The following ZNF141 variants were observed in gnomAD, a reference collection of about 807,000 sequenced individuals.
The protein encoded by ZNF141 is zinc finger protein 141.
Under a neutral mutation model 11.3 loss-of-function variants are expected in ZNF141, and 7 were observed. That is an observed-to-expected ratio of 0.62 (90% CI 0.35 to 1.16). The LOEUF is 1.16. ZNF141 is among the 50% of genes most tolerant of loss of function. The pLI is 0.02. For missense variants in ZNF141, 535 were observed against 554.0 expected, an observed-to-expected ratio of 0.97 and a Z score of 0.34; for synonymous variants, 183 against 190.7, an observed-to-expected ratio of 0.96 and a Z score of 0.33.
At chr4:367,928 A>G (rs1711829003) in intron 3 of ZNF141, among the ~76,000 whole-genome samples, 2 of 152,306 alleles carry the variant, frequency 1.3e-5, no homozygotes, top group South Asian at 2.1e-4. Flanking sequence ...AATACTTTTA[A>G]GTATTTACCT....
At chr4:345,870 T>C (rs1721298743) in intron 3 of ZNF141, among the ~76,000 whole-genome samples, 1 of 152,156 alleles carries the variant, frequency 6.6e-6, no homozygotes, top group Non-Finnish European at 1.5e-5. Flanking sequence ...ATTTCTTAAA[T>C]GCACTGTATC....
intron 3 of ZNF141, among the ~76,000 whole-genome samples, chr4:349,403 C>G (rs116803324): frequency 4.6e-5 from 7 of 152,192 alleles, no homozygotes; most frequent in Non-Finnish European, 8.8e-5. Flanking sequence ...ATATTATCCA[C>G]AAACAGTAAC....
intron 1 of ZNF141, among the ~76,000 whole-genome samples, chr4:340,572 A>G (rs192065291): frequency 5.3e-5 from 8 of 152,278 alleles, no homozygotes; most frequent in Non-Finnish European, 8.8e-5. Context: ...CAGCCCTCCA[A>G]GTCTTAAATG....
intron 1 of ZNF141, 125 bp from the exon 2 acceptor site, chr4:343,657 G>A (rs1185051895): frequency 1.2e-5 from 13 of 1,130,170 alleles, no homozygotes; most frequent in South Asian, 3.9e-5. Flanking sequence ...CCTGGGAGGC[G>A]GAGCTTGCAG....
At chr4:347,152 C>T (rs149960792) in intron 3 of ZNF141, among the ~76,000 whole-genome samples, 1,868 of 151,330 alleles carry the variant, frequency 0.012, 13 homozygotes, top group Middle Eastern at 0.041. Context: ...ATTCTCCTGC[C>T]TCAGCCTCCG....
chr4:384,181 A>G lies in ZNF141; in HGVS notation c.*10319A>G, dbSNP rs1264385382. On this transcript the variant is annotated 3_prime_UTR_variant, in exon 4 of 4. Coordinates refer to ENST00000240499, the MANE Select transcript of ZNF141 (RefSeq NM_003441.4). ...TCCAGCCTGGCAATTAGGTCCAAAG[A>G]TAAATAGCAAAACAAGAAGTTTGCC... 3.9e-5 allele frequency: 6 copies of G among 152,230 alleles called. No individual in the cohort carries two copies. Among genetic ancestry groups the G allele is most frequent in the Non-Finnish European group, 7.3e-5 (5 of 68,060 alleles). The allele number at this position is 152,230 out of a possible 1,614,324, so 9.4% of individuals were successfully genotyped here. A position where few individuals can be genotyped will look rare whatever the true frequency, so the allele number is the denominator to read the frequency against.
intron 3 of ZNF141, among the ~76,000 whole-genome samples, chr4:352,908 C>G (rs549439410): frequency 6.6e-6 from 1 of 152,178 alleles, no homozygotes; most frequent in African/African-American, 2.4e-5. Context: ...TGTAGGTGGG[C>G]CCCTGGAGTT....
At chr4:367,968 C>T (rs906561247) in intron 3 of ZNF141, among the ~76,000 whole-genome samples, 1 of 152,110 alleles carries the variant, frequency 6.6e-6, no homozygotes, top group African/African-American at 2.4e-5. Flanking sequence ...TTCTTATGCA[C>T]TCTGTCTGGA....
intron 3 of ZNF141, among the ~76,000 whole-genome samples, chr4:346,617 A>T (rs1229257406): frequency 2.6e-5 from 4 of 152,174 alleles, no homozygotes. Context: ...CTCTTGAACA[A>T]CATCTCATAT....
At chr4:348,506 A>G (rs1721442797) in intron 3 of ZNF141, among the ~76,000 whole-genome samples, 1 of 152,146 alleles carries the variant, frequency 6.6e-6, no homozygotes, top group African/African-American at 2.4e-5. Flanking sequence ...TGAGATCAGG[A>G]GTTCAAGACT....
intron 3 of ZNF141, among the ~76,000 whole-genome samples, chr4:365,737 T>C (rs1711713181): frequency 6.6e-6 from 1 of 152,236 alleles, no homozygotes; most frequent in Non-Finnish European, 1.5e-5. Flanking sequence ...GGTAAAGCAT[T>C]CCTCTATGTT....
intron 3 of ZNF141, among the ~76,000 whole-genome samples, chr4:356,230 CAAAAAAAA>C: frequency 8.6e-6 from 1 of 116,392 alleles, no homozygotes; most frequent in East Asian, 2.7e-4. Flanking sequence ...GGCTCCGTCT[CAAAAAAAA>C]AAAAAAAAGA....
chr4:353,364 G>C (rs1553850748), intron 3 of ZNF141, among the ~76,000 whole-genome samples: 1 of 134,346 alleles, frequency 7.4e-6, no homozygotes, highest in Non-Finnish European at 1.6e-5. Context: ...GACAAAGTGA[G>C]ACCCTGTCTA....
intron 3 of ZNF141, chr4:350,032 A>G: frequency 4.4e-6 from 2 of 459,438 alleles, no homozygotes; most frequent in South Asian, 3.3e-5. Flanking sequence ...AGGCCAGGAT[A>G]TACAGGCCTG....
chr4:350,934 A>G (rs1223985974), intron 3 of ZNF141, among the ~76,000 whole-genome samples: 1 of 149,918 alleles, frequency 6.7e-6, no homozygotes, highest in East Asian at 2.0e-4. Flanking sequence ...TTTTTTTAGT[A>G]GAGACGGGGT....
At position 378,519 on chromosome 4, in the gene ZNF141, T is replaced by A. The variant is rs1424342750; in HGVS notation, c.*4657T>A. Among the ~76,000 whole-genome samples the A allele has an allele frequency of 2.0e-5, 3 of 152,044 alleles. No homozygotes were observed. The highest frequency in any genetic ancestry group is 7.2e-5 in the African/African-American group (3 of 41,412). ...TTTTGACCTCATGATCTGCCTGCCT[T>A]GGCCTCCTGAAGTACTGGGATTACA... On this transcript the variant is annotated 3_prime_UTR_variant, in exon 4 of 4. Coordinates refer to ENST00000240499, the MANE Select transcript of ZNF141 (RefSeq NM_003441.4).
rs141225710 is a variant in ZNF141 at position 344,294 on chromosome 4, C to T, written c.131-41C>T. On this transcript the variant is annotated intron_variant, in intron 2 of 3. Coordinates refer to ENST00000240499, the MANE Select transcript of ZNF141 (RefSeq NM_003441.4). ...TACTAGGTTGGTAATTGGAGAATCC[C>T]CATCAATAGTCATGTTATTATTTTT... 4.5e-3 allele frequency: 6,880 copies of T among 1,538,110 alleles called. 238 individuals are homozygous for T. In the South Asian group the frequency reaches 0.061, roughly 14 times the overall value.
chr4:351,143 T>C (rs913154439), intron 3 of ZNF141, among the ~76,000 whole-genome samples: 4 of 152,124 alleles, frequency 2.6e-5, no homozygotes, highest in Admixed American at 6.6e-5. Flanking sequence ...CTCCCTTTGC[T>C]TTGTGCCGTG....
rs2108655954 is a variant in ZNF141, at chr4:373,924, A to G, written c.*62A>G. Reference sequence around the variant, plus strand: ...TTGGATGATCCACAAACCTTAATGAACATGAGAAAATTTATACTGTAGAGA... The same window carrying G: ...TTGGATGATCCACAAACCTTAATGAGCATGAGAAAATTTATACTGTAGAGA... On this transcript the variant is annotated 3_prime_UTR_variant, in exon 4 of 4. Coordinates refer to ENST00000240499, the MANE Select transcript of ZNF141 (RefSeq NM_003441.4). The G allele has an allele frequency of 7.1e-7, 1 of 1,414,486 alleles. No homozygotes were observed. Among genetic ancestry groups the G allele is most frequent in the Non-Finnish European group, 9.7e-7 (1 of 1,034,604 alleles). 87.6% of individuals were successfully genotyped at this position (1,414,486 alleles called of 1,614,324 possible).
Sources: allele counts gnomAD v4.1 joint callset (sites outside exome capture counted in the v4.1 genomes callset), GRCh38; gene constraint gnomAD v4.1.1; transcripts MANE v1.5; gene names NCBI Gene and HGNC (gene_info 2026-07-23, HGNC 2026-07-21).